Variants in STRBP observed in about 807,000 individuals in gnomAD.
The protein encoded by STRBP is spermatid perinuclear RNA binding protein, also known as spermatid perinuclear RNA-binding protein.
A neutral mutation model predicts 80.1 loss-of-function variants in STRBP; 13 were observed. That is an observed-to-expected ratio of 0.16 (90% CI 0.11 to 0.26). The LOEUF (loss-of-function observed/expected upper bound fraction) is 0.26, where lower values mean the gene tolerates loss of function less well. Ranked by LOEUF, STRBP falls within the 10% of genes least tolerant of loss-of-function variation. STRBP has a pLI of 1.00. For synonymous variants in STRBP, 284 were observed against 291.2 expected, an observed-to-expected ratio of 0.98 and a Z score of 0.25; for missense variants, 485 against 815.2, an observed-to-expected ratio of 0.59 and a Z score of 4.93.
chr9:123,177,214 G>C (rs150533806), intron 4 of STRBP, among the ~76,000 whole-genome samples: 85 of 152,264 alleles, frequency 5.6e-4, no homozygotes, highest in African/African-American at 1.9e-3. Context: ...CTCACCCAGG[G>C]ACTGTTCCAC....
intron 1 of STRBP, among the ~76,000 whole-genome samples, chr9:123,261,451 A>G (rs1363698845): frequency 6.6e-6 from 1 of 152,154 alleles, no homozygotes; most frequent in Non-Finnish European, 1.5e-5. Context: ...GTAATATTCC[A>G]TTGTTCACCT....
Position 123,236,963 on chromosome 9 carries a change from G to C in STRBP, c.-298C>G, listed in dbSNP as rs574293382. On this transcript the variant is annotated 5_prime_UTR_variant, in exon 2 of 19. Coordinates refer to ENST00000348403, the MANE Select transcript of STRBP (RefSeq NM_018387.5). ...AGCCAGGTCAACATGGCAAAACCCC[G>C]TCTCTACTAAAAATACAAAAATTAG... 1.3e-5 allele frequency: 2 copies of C among 152,000 alleles called. No individual in the cohort carries two copies. Among genetic ancestry groups the C allele is most frequent in the East Asian group, 3.9e-4 (2 of 5,188 alleles). The allele number at this position is 152,000 out of a possible 1,614,324, so 9.4% of individuals were successfully genotyped here.
chr9:123,160,122 C>T (rs768939502), intron 8 of STRBP, among the ~76,000 whole-genome samples: 1 of 152,202 alleles, frequency 6.6e-6, no homozygotes, highest in Admixed American at 6.5e-5. Flanking sequence ...AGGTATAAAA[C>T]CTTTTTGTCA....
chr9:123,244,141 A>C (rs1482983714), intron 1 of STRBP, among the ~76,000 whole-genome samples: 2 of 152,366 alleles, frequency 1.3e-5, no homozygotes, highest in African/African-American at 4.8e-5. Context: ...AGTAAGAGTT[A>C]TCAAGCCATG....
At position 123,125,395 on chromosome 9, in the gene STRBP, T is replaced by A. The variant is rs549922101; in HGVS notation, c.*202A>T. On this transcript the variant is annotated 3_prime_UTR_variant, in exon 19 of 19. Coordinates refer to ENST00000348403, the MANE Select transcript of STRBP (RefSeq NM_018387.5). ...ATTTTCCAGAAATGAGGTACCGTTT[T>A]CACAGAACTGGTTTCTTTTTTTTTT... 1.9e-4 allele frequency: 238 copies of A among 1,240,444 alleles called. No homozygotes were observed. The African/African-American group carries it at 3.7e-3, about 19-fold the overall frequency. 76.8% of individuals were successfully genotyped at this position (1,240,444 alleles called of 1,614,324 possible).
At chr9:123,189,134 A>G (rs2038820142) in intron 2 of STRBP, among the ~76,000 whole-genome samples, 1 of 152,122 alleles carries the variant, frequency 6.6e-6, no homozygotes, top group Non-Finnish European at 1.5e-5. Flanking sequence ...CAGCCATAAA[A>G]AATGATGAGC....
chr9:123,176,055 A>C (rs890134710), intron 4 of STRBP, among the ~76,000 whole-genome samples: 1 of 152,244 alleles, frequency 6.6e-6, no homozygotes, highest in Non-Finnish European at 1.5e-5. Flanking sequence ...GTAAAACAGG[A>C]ATAATACCTT....
chr9:123,130,404 G>A (rs897495234), intron 17 of STRBP, among the ~76,000 whole-genome samples: 1 of 152,112 alleles, frequency 6.6e-6, no homozygotes, highest in East Asian at 1.9e-4. Context: ...TCAATGCAAT[G>A]ACACAAGAGA....
chr9:123,165,768 G>A lies in STRBP; in HGVS notation c.535+4134C>T, dbSNP rs75963182. Among the ~76,000 whole-genome samples the A allele has an allele frequency of 4.2e-3, 633 of 152,252 alleles. 21 individuals are homozygous for A. In the East Asian group the frequency reaches 0.047, roughly 11 times the overall value. ...ATGGGAAGTGGCCTGCATACTAGAC[G>A]TAGAGTCAGGAGAGCTGGGTAAAAT... On this transcript the variant is annotated intron_variant, in intron 6 of 18. Coordinates refer to ENST00000348403, the MANE Select transcript of STRBP (RefSeq NM_018387.5).
At chr9:123,138,196 AC>A (rs2036441207) in intron 14 of STRBP, among the ~76,000 whole-genome samples, 1 of 152,214 alleles carries the variant, frequency 6.6e-6, no homozygotes, top group South Asian at 2.1e-4. Context: ...AGTGCAGCCC[AC>A]ACTGCTCTCT....
intron 2 of STRBP, among the ~76,000 whole-genome samples, chr9:123,206,694 A>G (rs891561674): frequency 6.6e-6 from 1 of 151,610 alleles, no homozygotes; most frequent in Non-Finnish European, 1.5e-5. Context: ...GCTGGAGTGC[A>G]ATAGCGCAAT....
chr9:123,224,788 T>A (rs926358152), intron 2 of STRBP, among the ~76,000 whole-genome samples: 7 of 152,114 alleles, frequency 4.6e-5, no homozygotes, highest in African/African-American at 9.7e-5. Flanking sequence ...GAAAAAAAGA[T>A]ACTTAAAACT....
rs776342340 is a variant in STRBP at position 123,139,567 on chromosome 9, T to C, written c.1459A>G (p.Thr487Ala). Residue 487 changes from threonine to alanine, a missense_variant, in exon 14 of 19, where the codon ACT becomes GCT. Physicochemically the swap from Thr to Ala is moderately conservative, Grantham distance 58 (BLOSUM62 0). Transcript: ENST00000348403. ...ETVSSNSSNN[T>A]GNSTTETSST... is the part of the protein sequence containing the mutation. Reference sequence around the variant, plus strand: ...GAGGTTTCAGTTGTAGAATTTCCAGTATTATTGCTTGAGTTTGAAGACACT... The same window carrying C: ...GAGGTTTCAGTTGTAGAATTTCCAGCATTATTGCTTGAGTTTGAAGACACT... The C allele has an allele frequency of 4.3e-6, 7 of 1,612,596 alleles. No homozygotes were observed. In the South Asian group the frequency reaches 6.6e-5, roughly 15 times the overall value.
chr9:123,228,055 A>G (rs947465991), intron 2 of STRBP, among the ~76,000 whole-genome samples: 2 of 152,220 alleles, frequency 1.3e-5, no homozygotes, highest in South Asian at 4.1e-4. Context: ...GGTGAGGTCA[A>G]CGAGACTTCC....
At chr9:123,190,686 C>T (rs938843245) in intron 2 of STRBP, among the ~76,000 whole-genome samples, 11 of 152,298 alleles carry the variant, frequency 7.2e-5, no homozygotes, top group East Asian at 3.9e-4. Context: ...AAAGAAGATG[C>T]GACGGCTATA....
In STRBP at chr9:123,115,926, T is replaced by C. The variant is rs576179166; in HGVS notation, c.*84+3A>G. Reference sequence around the variant, plus strand: ...ACAAATAAATATAATCCCTTAAAAATACCTGGCAGGAGTGCCCACGTTCTC... The same window carrying C: ...ACAAATAAATATAATCCCTTAAAAACACCTGGCAGGAGTGCCCACGTTCTC... On this transcript the variant is annotated splice_donor_region_variant and intron_variant and NMD_transcript_variant, in intron 3 of 3. Coordinates refer to the STRBP transcript ENST00000471564. The surrounding 1 kb of genome is among the most constrained non-coding windows in gnomAD (Gnocchi z 5.0). 2.3e-6 allele frequency: 1 copy of C among 435,974 alleles called. No individual in the cohort carries two copies. The highest frequency in any genetic ancestry group is 1.6e-5 in the South Asian group (1 of 61,768). 27.0% of individuals were successfully genotyped at this position (435,974 alleles called of 1,614,324 possible). A position where few individuals can be genotyped will look rare whatever the true frequency, so the allele number is the denominator to read the frequency against.
intron 6 of STRBP, chr9:123,168,188 C>T: frequency 1.0e-6 from 1 of 977,892 alleles, no homozygotes; most frequent in Non-Finnish European, 1.2e-6. Context: ...ACACATCTTA[C>T]CAGAATTAAC....
chr9:123,150,922 G>GAA, intron 11 of STRBP, among the ~76,000 whole-genome samples: 1 of 152,186 alleles, frequency 6.6e-6, no homozygotes, highest in East Asian at 1.9e-4. Flanking sequence ...TGACTACACT[G>GAA]AAATGATCTA....
At chr9:123,163,608 C>G (rs1418350654) in intron 6 of STRBP, among the ~76,000 whole-genome samples, 1 of 152,114 alleles carries the variant, frequency 6.6e-6, no homozygotes, top group African/African-American at 2.4e-5. Context: ...CTCATTTTAT[C>G]TTTTTCAAAG....
Sources: gnomAD v4.1 joint callset for allele counts (sites outside exome capture counted in the v4.1 genomes callset) on GRCh38, gnomAD v4.1.1 for gene constraint, Gnocchi (gnomAD v3.1) non-coding constraint, MANE v1.5 for transcripts, NCBI Gene and HGNC (gene_info 2026-07-23, HGNC 2026-07-21) for gene names.